TMCO5A: variants seen among roughly 807,000 people sequenced by gnomAD.
The protein encoded by TMCO5A is transmembrane and coiled-coil domain-containing protein 5A.
TMCO5A carries 34 observed loss-of-function variants against 42.3 expected under a neutral mutation model. The observed-to-expected ratio is 0.80, with a 90% CI of 0.61 to 1.07. The LOEUF is 1.07. Among genes scored for constraint, TMCO5A ranks in the 50% least tolerant of loss-of-function variants. The pLI is 0.00. For synonymous variants in TMCO5A, 131 were observed against 115.6 expected, an observed-to-expected ratio of 1.13 and a Z score of -0.86; for missense variants, 357 against 327.9, an observed-to-expected ratio of 1.09 and a Z score of -0.69.
At chr15:37,979,918 T>C in the TMCO5A span, among the ~76,000 whole-genome samples, 23 of 151,972 alleles carry the variant, frequency 1.5e-4, no homozygotes, top group Non-Finnish European at 2.9e-4. Flanking sequence ...CTGGCCACTT[T>C]TTCATAAGAC....
At chr15:37,949,388 A>G (rs112187315) in intron 11 of TMCO5A, among the ~76,000 whole-genome samples, 1,628 of 152,270 alleles carry the variant, frequency 0.011, 14 homozygotes, top group Non-Finnish European at 0.016. Flanking sequence ...AGGGTCAAGA[A>G]TAACCTGGAC....
At chr15:37,970,751 C>T (rs1890658070), downstream of TMCO5A, among the ~76,000 whole-genome samples, 2 of 152,190 alleles carry the variant, frequency 1.3e-5, no homozygotes, top group Non-Finnish European at 2.9e-5. Flanking sequence ...GGGCTACAGG[C>T]CCCATACAAG....
chr15:37,947,755 CG>C, intron 11 of TMCO5A, 59 bp downstream of exon 11: 2 of 1,176,626 alleles, frequency 1.7e-6, no homozygotes, highest in Non-Finnish European at 2.5e-6. Flanking sequence ...TTTAGCTATT[CG>C]GGCAGAGGGA....
intron 10 of TMCO5A, among the ~76,000 whole-genome samples, chr15:37,944,932 G>C (rs1034609581): frequency 6.6e-6 from 1 of 151,928 alleles, no homozygotes. Context: ...ATAGGTAAAC[G>C]TGTGCCATGG....
At chr15:37,965,957 A>T (rs147128523) in intron 11 of TMCO5A, among the ~76,000 whole-genome samples, 56 of 152,306 alleles carry the variant, frequency 3.7e-4, no homozygotes, top group African/African-American at 1.3e-3. Context: ...CTACACTTTC[A>T]TGTTCATTGC....
At chr15:38,008,800 G>A in the TMCO5A span, among the ~76,000 whole-genome samples, 13 of 152,274 alleles carry the variant, frequency 8.5e-5, no homozygotes, top group Admixed American at 2.6e-4. Flanking sequence ...TCAAGACAAC[G>A]CATGACCATC....
intron 11 of TMCO5A, among the ~76,000 whole-genome samples, chr15:37,957,782 A>C (rs1447975687): frequency 1.3e-5 from 2 of 152,224 alleles, no homozygotes; most frequent in Non-Finnish European, 2.9e-5. Context: ...CATATAGCCA[A>C]GACAATCCTA....
chr15:37,948,219 A>G (rs867129979), intron 11 of TMCO5A, among the ~76,000 whole-genome samples: 1 of 152,134 alleles, frequency 6.6e-6, no homozygotes, highest in Non-Finnish European at 1.5e-5. Context: ...ATACCTGAGT[A>G]GATATTCATC....
At chr15:37,950,378 G>A (rs370841387) in intron 11 of TMCO5A, among the ~76,000 whole-genome samples, 2 of 152,104 alleles carry the variant, frequency 1.3e-5, no homozygotes, top group African/African-American at 2.4e-5. Flanking sequence ...TTAAAATCGA[G>A]AATTTTTTTC....
At position 37,951,256 on chromosome 15, in the gene TMCO5A, G is replaced by A. The variant is rs1890149101; in HGVS notation, c.*22G>A. 1 of 1,608,460 alleles carries A rather than the reference G, an allele frequency of 6.2e-7. No individual in the cohort carries two copies. The highest frequency in any genetic ancestry group is 8.5e-7 in the Non-Finnish European group (1 of 1,175,818). On this transcript the variant is annotated 3_prime_UTR_variant, in exon 12 of 12. Coordinates refer to ENST00000319669, the MANE Select transcript of TMCO5A (RefSeq NM_152453.4). ...CTGATTCCCTAAGAAATATCCTTGA[G>A]CAATAGAAGGGAAGTGGGATCCGAG...
the TMCO5A span, among the ~76,000 whole-genome samples, chr15:37,983,719 G>GTTTT: frequency 2.2e-5 from 3 of 138,960 alleles, no homozygotes; most frequent in African/African-American, 8.2e-5. Context: ...TCTTTTTACT[G>GTTTT]TTTTTTTTTT....
the TMCO5A span, among the ~76,000 whole-genome samples, chr15:38,025,345 G>A: frequency 1.3e-5 from 2 of 152,020 alleles, no homozygotes; most frequent in Admixed American, 6.6e-5. Context: ...GTGCCCATTG[G>A]TGCTTTCAAG....
chr15:38,023,400 A>C, the TMCO5A span, among the ~76,000 whole-genome samples: 4 of 152,184 alleles, frequency 2.6e-5, no homozygotes, highest in African/African-American at 9.7e-5. Context: ...GTTAGTCTTC[A>C]GACCTCTCAA....
chr15:37,983,914 G>A, the TMCO5A span, among the ~76,000 whole-genome samples: 2,845 of 151,952 alleles, frequency 0.019, 90 homozygotes, highest in African/African-American at 0.065. Context: ...TAGTAGAGAC[G>A]TAGAGACGGG....
At chr15:37,971,859 C>G (rs987967303), downstream of TMCO5A, among the ~76,000 whole-genome samples, 54 of 152,288 alleles carry the variant, frequency 3.5e-4, no homozygotes, top group African/African-American at 1.3e-3. Context: ...TTTCATTGTT[C>G]ATATCATTAT....
chr15:38,018,105 T>G, the TMCO5A span, among the ~76,000 whole-genome samples: 2 of 152,158 alleles, frequency 1.3e-5, no homozygotes, highest in Non-Finnish European at 2.9e-5. Context: ...TTTATAGCAG[T>G]GCGAAAATGG....
the TMCO5A span, among the ~76,000 whole-genome samples, chr15:38,018,554 C>T: frequency 6.6e-6 from 1 of 151,464 alleles, no homozygotes; most frequent in African/African-American, 2.4e-5. Context: ...TAGAATTCTA[C>T]CCAACTGGCA....
chr15:37,943,521 C>A, intron 10 of TMCO5A, 123 bp downstream of exon 10: 1 of 857,018 alleles, frequency 1.2e-6, no homozygotes, highest in Non-Finnish European at 1.8e-6. Context: ...AAGAACAGTA[C>A]CAGCTATAAT....
the TMCO5A span, among the ~76,000 whole-genome samples, chr15:37,985,692 T>C: frequency 2.6e-5 from 4 of 152,182 alleles, no homozygotes; most frequent in African/African-American, 7.2e-5. Context: ...CTTTAATTCA[T>C]TATCTGCATC....
Sources: allele counts gnomAD v4.1 joint callset (sites outside exome capture counted in the v4.1 genomes callset), GRCh38; gene constraint gnomAD v4.1.1; transcripts MANE v1.5; gene names NCBI Gene and HGNC (gene_info 2026-07-23, HGNC 2026-07-21).